Variants in GSE1 observed in about 807,000 individuals in gnomAD.
GSE1 encodes Gse1 coiled-coil protein.
GSE1 carries 32 observed loss-of-function variants against 112.6 expected under a neutral mutation model. That is an observed-to-expected ratio of 0.28 (90% CI 0.21 to 0.38). GSE1 has a LOEUF of 0.38. Among genes scored for constraint, GSE1 ranks in the 10% least tolerant of loss-of-function variants. The pLI is 1.00. For missense variants in GSE1, 2,348 were observed against 1,699.2 expected, an observed-to-expected ratio of 1.38 and a Z score of -6.71; for synonymous variants, 1,115 against 735.6, an observed-to-expected ratio of 1.52 and a Z score of -8.35.
intron 1 of GSE1, among the ~76,000 whole-genome samples, chr16:85,355,929 A>G (rs1329442766): frequency 6.6e-6 from 1 of 152,270 alleles, no homozygotes; most frequent in African/African-American, 2.4e-5. Flanking sequence ...CGGGAGGCTG[A>G]GGCAGGGGAA....
At chr16:85,260,118 C>T (rs961516948) in intron 1 of GSE1, among the ~76,000 whole-genome samples, 1 of 151,948 alleles carries the variant, frequency 6.6e-6, no homozygotes, top group Non-Finnish European at 1.5e-5. Flanking sequence ...GCATGGGCAG[C>T]CCCCCCGCAG....
At chr16:85,256,086 C>T (rs1441374577) in intron 1 of GSE1, among the ~76,000 whole-genome samples, 1 of 152,174 alleles carries the variant, frequency 6.6e-6, no homozygotes. Context: ...ATACTAATTT[C>T]CTCATAGTGT....
chr16:85,295,731 C>T (rs904392318), intron 1 of GSE1, among the ~76,000 whole-genome samples: 6 of 151,708 alleles, frequency 4.0e-5, no homozygotes, highest in Non-Finnish European at 7.4e-5. Context: ...AAACACACAT[C>T]GATCCTTTTT....
At chr16:85,326,214 G>T (rs368245010) in intron 1 of GSE1, among the ~76,000 whole-genome samples, 67 of 152,314 alleles carry the variant, frequency 4.4e-4, no homozygotes, top group African/African-American at 1.6e-3. Context: ...CCTGGGAGGG[G>T]CGGTTAAGCC....
At chr16:85,568,660 C>T (rs1008398571) in intron 1 of GSE1, among the ~76,000 whole-genome samples, 4 of 152,174 alleles carry the variant, frequency 2.6e-5, no homozygotes, top group South Asian at 2.1e-4. Flanking sequence ...TTACCCAGGG[C>T]GGAGGCTCTT....
At chr16:85,606,486 C>A (rs889834553), upstream of GSE1, among the ~76,000 whole-genome samples, 1 of 152,216 alleles carries the variant, frequency 6.6e-6, no homozygotes, top group Non-Finnish European at 1.5e-5. Flanking sequence ...GAACGGAGGG[C>A]TTCAGGCCAC....
At chr16:85,371,452 G>A (rs532962574) in intron 2 of GSE1, among the ~76,000 whole-genome samples, 1 of 152,196 alleles carries the variant, frequency 6.6e-6, no homozygotes, top group Non-Finnish European at 1.5e-5. Context: ...GGGTGCAGAT[G>A]TGGAGCATGA....
At chr16:85,575,455 C>T (rs1177957956) in intron 1 of GSE1, among the ~76,000 whole-genome samples, 1 of 152,116 alleles carries the variant, frequency 6.6e-6, no homozygotes, top group Admixed American at 6.5e-5. Context: ...GCTGTGTGCC[C>T]TGTGGGGACC....
At chr16:85,453,714 G>A (rs1051881437) in intron 2 of GSE1, among the ~76,000 whole-genome samples, 1 of 152,132 alleles carries the variant, frequency 6.6e-6, no homozygotes, top group Non-Finnish European at 1.5e-5. Flanking sequence ...CCTGTGGGGG[G>A]ATCCTACTTC....
intron 1 of GSE1, among the ~76,000 whole-genome samples, chr16:85,297,185 C>T (rs1343384860): frequency 1.3e-5 from 2 of 152,356 alleles, no homozygotes; most frequent in South Asian, 4.1e-4. Context: ...CTTCCTCTTC[C>T]CTCCCTCCAG....
chr16:85,194,032 T>G (rs1464377720), intron 1 of GSE1, among the ~76,000 whole-genome samples: 1 of 152,196 alleles, frequency 6.6e-6, no homozygotes, highest in Non-Finnish European at 1.5e-5. Flanking sequence ...AAAAAGGAAA[T>G]GAGGCTCTGG....
At position 85,462,897 on chromosome 16, in the gene GSE1, G is replaced by C. The variant is rs185670097; in HGVS notation, c.2464+105254G>C. On this transcript the variant is annotated intron_variant, in intron 2 of 2. Transcript: ENST00000637419. ...CCACGCCGCGGGCAGGGCGCACCGC[G>C]CAGGGACGCCCCGGCTGCTCCGTGC... Among the ~76,000 whole-genome samples the C allele has an allele frequency of 5.6e-3, 844 of 150,672 alleles. 12 individuals carry two copies. Among genetic ancestry groups the C allele is most frequent in the Admixed American group, 0.053 (803 of 15,142 alleles).
intron 8 of GSE1, among the ~76,000 whole-genome samples, chr16:85,658,158 A>T (rs893909436): frequency 6.6e-6 from 1 of 152,174 alleles, no homozygotes. Flanking sequence ...AGGTCTTATG[A>T]GCTGGGCCCC....
chr16:85,667,618 G>A (rs1386577954), intron 13 of GSE1, among the ~76,000 whole-genome samples: 1 of 152,232 alleles, frequency 6.6e-6, no homozygotes. Flanking sequence ...AGCACTTTAG[G>A]AGGCCAAGGC....
intron 1 of GSE1, among the ~76,000 whole-genome samples, chr16:85,199,136 T>C (rs1399753427): frequency 6.6e-6 from 1 of 152,110 alleles, no homozygotes; most frequent in Non-Finnish European, 1.5e-5. Context: ...TGTTTTGTTT[T>C]AGTAGAGACA....
intron 2 of GSE1, among the ~76,000 whole-genome samples, chr16:85,438,554 G>A (rs1381893179): frequency 6.6e-6 from 1 of 152,168 alleles, no homozygotes; most frequent in East Asian, 1.9e-4. Flanking sequence ...TACAGATGGG[G>A]AAACTGAGAC....
intron 1 of GSE1, among the ~76,000 whole-genome samples, chr16:85,180,457 C>T (rs1048319451): frequency 6.6e-6 from 1 of 152,244 alleles, no homozygotes. Context: ...CCCAAGCCCT[C>T]GGGCTCTGAT....
intron 2 of GSE1, among the ~76,000 whole-genome samples, chr16:85,477,951 G>T (rs1427457951): frequency 6.6e-6 from 1 of 152,090 alleles, no homozygotes; most frequent in Non-Finnish European, 1.5e-5. Context: ...ATGGTGTTGA[G>T]TCATCACGAC....
At position 85,373,295 on chromosome 16, in the gene GSE1, T is replaced by G. The variant is rs963597503; in HGVS notation, c.2464+15652T>G. Reference sequence around the variant, plus strand: ...CTCACGCGCTCTCCCTCCACCCCTTTGTCTCAAACAGCCAGGCTGTTGGGG... The same window carrying G: ...CTCACGCGCTCTCCCTCCACCCCTTGGTCTCAAACAGCCAGGCTGTTGGGG... On this transcript the variant is annotated intron_variant, in intron 2 of 2. Coordinates refer to the GSE1 transcript ENST00000637419. The surrounding 1 kb of genome is among the most constrained non-coding windows in gnomAD (Gnocchi z 5.1). Among the ~76,000 whole-genome samples the G allele has an allele frequency of 1.3e-5, 2 of 152,224 alleles. No homozygotes were observed. The highest frequency in any genetic ancestry group is 2.4e-5 in the African/African-American group (1 of 41,468).
Sources: allele counts gnomAD v4.1 joint callset (sites outside exome capture counted in the v4.1 genomes callset), GRCh38; gene constraint gnomAD v4.1.1; non-coding constraint Gnocchi (gnomAD v3.1); transcripts MANE v1.5; gene names NCBI Gene and HGNC (gene_info 2026-07-23, HGNC 2026-07-21).